The following BLTP1 variants were observed in gnomAD, a reference collection of about 807,000 sequenced individuals.
The protein encoded by BLTP1 is bridge-like lipid transfer protein family member 1, also known as fragile site-associated protein.
At chr4:122,254,240 A>C in the BLTP1 span, 1 of 1,612,646 alleles carries the variant, frequency 6.2e-7, no homozygotes, top group Non-Finnish European at 8.5e-7. Context: ...TCTACCTCTG[A>C]TGCCTCCTCC....
chr4:122,239,632 G>T, the BLTP1 span: 13 of 1,613,892 alleles, frequency 8.1e-6, no homozygotes, highest in Admixed American at 1.5e-4. Flanking sequence ...TGTTCCACCC[G>T]TCTTGGAAGT....
chr4:122,161,622 G>A, the BLTP1 span, among the ~76,000 whole-genome samples: 1 of 151,838 alleles, frequency 6.6e-6, no homozygotes, highest in Admixed American at 6.6e-5. Flanking sequence ...TGTAGAGACG[G>A]CGTTTCCTCA....
chr4:122,184,856 AC>A, the BLTP1 span: 1 of 984,956 alleles, frequency 1.0e-6, no homozygotes, highest in African/African-American at 1.7e-5. Flanking sequence ...TATCTAATGA[AC>A]AGCTGCTCTA....
At chr4:122,194,073 G>A in the BLTP1 span, among the ~76,000 whole-genome samples, 3 of 152,046 alleles carry the variant, frequency 2.0e-5, no homozygotes, top group South Asian at 2.1e-4. Context: ...CGTTTTAGCC[G>A]GGATGGTCTC....
chr4:122,176,523 C>T, the BLTP1 span, among the ~76,000 whole-genome samples: 1 of 152,006 alleles, frequency 6.6e-6, no homozygotes, highest in Non-Finnish European at 1.5e-5. Context: ...TAAAAGTACA[C>T]TACCACTCAT....
At chr4:122,157,932 A>G in the BLTP1 span, among the ~76,000 whole-genome samples, 2 of 151,920 alleles carry the variant, frequency 1.3e-5, no homozygotes, top group Non-Finnish European at 2.9e-5. Context: ...ACATGTGACC[A>G]TTTTCCCCTC....
the BLTP1 span, among the ~76,000 whole-genome samples, chr4:122,165,300 C>A: frequency 6.6e-6 from 1 of 151,754 alleles, no homozygotes; most frequent in Admixed American, 6.6e-5. Flanking sequence ...TCAATTCCCA[C>A]CTATGAGTGA....
At chr4:122,207,461 G>T in the BLTP1 span, 1 of 1,486,952 alleles carries the variant, frequency 6.7e-7, no homozygotes, top group Non-Finnish European at 8.9e-7. Flanking sequence ...TGCATTTTAG[G>T]CAATTTTATA....
chr4:122,260,577 A>G, the BLTP1 span, among the ~76,000 whole-genome samples: 1 of 152,166 alleles, frequency 6.6e-6, no homozygotes, highest in East Asian at 1.9e-4. Context: ...AATAGTGTAC[A>G]TTGTTGGTGA....
the BLTP1 span, chr4:122,353,347 TCTTA>T: frequency 4.8e-6 from 3 of 627,754 alleles, no homozygotes; most frequent in Non-Finnish European, 6.0e-6. This position sits in a 1 kb window ranked among gnomAD's most constrained non-coding sequence, Gnocchi z 4.3. Context: ...ACTCCATGTT[TCTTA>T]CTTAGGCAAT....
the BLTP1 span, chr4:122,337,041 CTTTT>C: frequency 2.6e-6 from 4 of 1,567,024 alleles, no homozygotes; most frequent in Non-Finnish European, 3.5e-6. Flanking sequence ...TCATTTCTTT[CTTTT>C]TGTTTTAAAG....
chr4:122,286,402 T>G, the BLTP1 span: 2 of 1,432,362 alleles, frequency 1.4e-6, no homozygotes, highest in Non-Finnish European at 1.8e-6. Flanking sequence ...ATAAGCAACT[T>G]TAAAATATCC....
chr4:122,170,316 A>G, the BLTP1 span: 2 of 901,304 alleles, frequency 2.2e-6, no homozygotes, highest in African/African-American at 1.8e-5. Context: ...AAAAAAAAAA[A>G]AAAAAAAAAA....
chr4:122,167,703 G>T, the BLTP1 span: 1 of 985,324 alleles, frequency 1.0e-6, no homozygotes, highest in Middle Eastern at 5.2e-4. Context: ...CCACAAGCTT[G>T]TCCGTCATGC....
the BLTP1 span, among the ~76,000 whole-genome samples, chr4:122,312,289 A>G: frequency 2.0e-5 from 3 of 151,962 alleles, no homozygotes; most frequent in South Asian, 4.2e-4. Flanking sequence ...TGTGGCTTTG[A>G]CCTCCCAAAG....
the BLTP1 span, chr4:122,194,662 G>A: frequency 5.3e-6 from 5 of 940,302 alleles, no homozygotes; most frequent in Non-Finnish European, 6.3e-6. Context: ...GGGCCATGAA[G>A]TGTGTTTGCA....
chr4:122,262,219 A>C, the BLTP1 span, among the ~76,000 whole-genome samples: 1 of 132,526 alleles, frequency 7.5e-6, no homozygotes, highest in African/African-American at 2.7e-5. Context: ...TATTTTGTGT[A>C]AGGGATATTG....
chr4:122,336,500 A>G, the BLTP1 span: 1 of 761,988 alleles, frequency 1.3e-6, no homozygotes, highest in Non-Finnish European at 1.9e-6. Flanking sequence ...AACTTGAGAG[A>G]TCATCTAATT....
chr4:122,225,546 A>T, the BLTP1 span: 3 of 152,188 alleles, frequency 2.0e-5, no homozygotes, highest in Admixed American at 2.0e-4. Flanking sequence ...CAAGAAAGTA[A>T]TAAAGAACCT....
Sources: gnomAD v4.1 joint callset for allele counts (sites outside exome capture counted in the v4.1 genomes callset) on GRCh38, gnomAD v4.1.1 for gene constraint, Gnocchi (gnomAD v3.1) non-coding constraint, MANE v1.5 for transcripts, NCBI Gene and HGNC (gene_info 2026-07-23, HGNC 2026-07-21) for gene names.